Variants in ZSWIM4 observed in about 807,000 individuals in gnomAD.
The protein encoded by ZSWIM4 is zinc finger SWIM-type containing 4.
In ZSWIM4, 62 loss-of-function variants were observed where a neutral mutation model predicts 102.5. That is an observed-to-expected ratio of 0.60 (90% CI 0.49 to 0.75). The LOEUF (loss-of-function observed/expected upper bound fraction) is 0.75, where lower values mean the gene tolerates loss of function less well. Among genes scored for constraint, ZSWIM4 ranks in the 30% least tolerant of loss-of-function variants. The probability of loss-of-function intolerance (pLI) is 0.00; values close to 1 mark genes in which losing one functional copy is unlikely to be tolerated. For missense variants in ZSWIM4, 1,280 were observed against 1,529.6 expected (o/e 0.84, Z 2.72); for synonymous variants, 652 against 674.5 (o/e 0.97, Z 0.52).
chr19:13,799,198 A>G (rs1243939851), intron 1 of ZSWIM4, among the ~76,000 whole-genome samples: 2 of 146,726 alleles, frequency 1.4e-5, no homozygotes, highest in Non-Finnish European at 3.0e-5. Flanking sequence ...CTCCTGCCCC[A>G]CCCTCCCAGG....
rs777197521 is a variant in ZSWIM4 at position 13,809,180 on chromosome 19, G to C, written c.972G>C (p.Ala324=). 6 of 1,612,008 alleles carry C rather than the reference G, an allele frequency of 3.7e-6. No individual in the cohort carries two copies. The highest frequency in any genetic ancestry group is 1.7e-5 in the Admixed American group (1 of 59,936). Residue 324 remains alanine (A), a synonymous_variant, in exon 5 of 14, where the codon GCG becomes GCC. Coordinates refer to ENST00000590508, the MANE Select transcript of ZSWIM4 (RefSeq NM_001367834.3). The surrounding 1 kb of genome is among the most constrained non-coding windows in gnomAD (Gnocchi z 4.2). The stretch of plus-strand genomic sequence containing the variant: ...TGGCCCTGTGGCGGCAGCAGGGCGC[G>C]GGCATGACGGACAAGTGCCGGCAGC... ...TRLALWRQQG[A]GMTDKCRQLW...
rs143574490 is a variant in ZSWIM4 at position 13,810,155 on chromosome 19, C to T, written c.1012+935C>T. 4.0e-5 allele frequency among the ~76,000 whole-genome samples: 6 copies of T among 151,554 alleles called. No individual in the cohort carries two copies. In the East Asian group the frequency reaches 9.7e-4, roughly 24 times the overall value. On this transcript the variant is annotated intron_variant, in intron 5 of 13. Coordinates refer to ENST00000590508, the MANE Select transcript of ZSWIM4 (RefSeq NM_001367834.3). The stretch of plus-strand genomic sequence containing the variant: ...GACTACAGGCACCCGCCACTAAGTC[C>T]GGCTAATTTTTTGTATTTTTTTTAT...
chr19:13,830,305 A>T lies in ZSWIM4; in HGVS notation c.2576A>T (p.Gln859Leu), dbSNP rs757186590. The change falls in exon 14 of 14, where the codon CAG becomes CTG. Residue 859 changes from glutamine (Q) to leucine (L), a missense_variant. By Grantham distance (113) the Gln-to-Leu change is moderately radical (BLOSUM62 -2). Transcript: ENST00000590508. The part of the protein sequence containing the change: ...GTTHATLLRL[Q>L]LDTSRREELW... Reference sequence around the variant, plus strand: ...ACACACGCCACTCTGCTGCGACTGCAGCTGGACACATCGCGGAGGGAGGAG... The same window carrying T: ...ACACACGCCACTCTGCTGCGACTGCTGCTGGACACATCGCGGAGGGAGGAG... 6 of 1,613,812 alleles carry T rather than the reference A, an allele frequency of 3.7e-6. No individual in the cohort carries two copies. The Admixed American group carries it at 1.0e-4, about 27-fold the overall frequency.
rs765543673 is a variant in ZSWIM4 at position 13,817,698 on chromosome 19, C to G, written c.1670-24C>G. On this transcript the variant is annotated intron_variant, in intron 8 of 13. Coordinates refer to ENST00000590508, the MANE Select transcript of ZSWIM4 (RefSeq NM_001367834.3). ...CTTAGGGAAGGGGATCCGTCTCCAG[C>G]AGCCCTGGCCCTGTCTCCCCCAGAC... 1.6e-5 allele frequency: 26 copies of G among 1,605,408 alleles called. No individual in the cohort carries two copies. In the African/African-American group the frequency reaches 3.2e-4, roughly 20 times the overall value.
intron 7 of ZSWIM4, 52 bp downstream of exon 7, chr19:13,814,917 G>A: frequency 9.0e-7 from 1 of 1,115,054 alleles, no homozygotes; most frequent in African/African-American, 1.6e-5. Flanking sequence ...AGCACATTGG[G>A]AGTCCGAGGT....
At chr19:13,818,048 T>A in intron 9 of ZSWIM4, 72 bp downstream of exon 9, 1 of 1,424,498 alleles carries the variant, frequency 7.0e-7, no homozygotes, top group Non-Finnish European at 9.2e-7. Flanking sequence ...AGCGGCCCGG[T>A]TGCTGCCAGA....
Position 13,817,992 on chromosome 19 carries a change from T to C in ZSWIM4, c.1924+16T>C, listed in dbSNP as rs1975346689. 1.4e-6 allele frequency: 2 copies of C among 1,478,328 alleles called. No homozygotes were observed. The highest frequency in any genetic ancestry group is 1.8e-6 in the Non-Finnish European group (2 of 1,111,030). 91.6% of individuals were successfully genotyped at this position (1,478,328 alleles called of 1,614,324 possible). A position where few individuals can be genotyped will look rare whatever the true frequency, so the allele number is the denominator to read the frequency against. On this transcript the variant is annotated intron_variant, in intron 9 of 13. Coordinates refer to ENST00000590508, the MANE Select transcript of ZSWIM4 (RefSeq NM_001367834.3). ...CTGCTGGAAGGTGAGGCCGCGCCCC[T>C]AGGCCTGGCTGTTGCTGAAGGGTAG...
intron 9 of ZSWIM4, among the ~76,000 whole-genome samples, chr19:13,818,302 G>C (rs1477260112): frequency 1.3e-5 from 2 of 152,098 alleles, no homozygotes; most frequent in East Asian, 3.9e-4. Context: ...CACCGCCCCT[G>C]TCCCGGCCTG....
rs768762192 is a variant in ZSWIM4, at chr19:13,830,875, C to G, written c.3146C>G (p.Thr1049Arg). 5 of 1,614,118 alleles carry G rather than the reference C, an allele frequency of 3.1e-6. No homozygotes were observed. The highest frequency in any genetic ancestry group is 1.1e-5 in the South Asian group (1 of 91,082). The stretch of plus-strand genomic sequence containing the variant: ...ATCACCACCAGCCACTCGCGCCTCA[C>G]GCACATCAGCCCGCGGCACTATGGG... Reference protein sequence around the residue: ...AYITTSHSRLTHISPRHYGDF... With the variant: ...AYITTSHSRLRHISPRHYGDF... The change falls in exon 14 of 14, where the codon ACG becomes AGG. Residue 1049 changes from threonine to arginine, a missense_variant. Coordinates refer to ENST00000590508, the MANE Select transcript of ZSWIM4 (RefSeq NM_001367834.3).
intron 2 of ZSWIM4, among the ~76,000 whole-genome samples, chr19:13,800,629 G>A (rs957000449): frequency 3.3e-5 from 5 of 151,950 alleles, no homozygotes; most frequent in African/African-American, 9.7e-5. Flanking sequence ...GGATGGTCTC[G>A]ATCTCCTGAC....
At chr19:13,816,435 C>T (rs1975290762) in intron 7 of ZSWIM4, among the ~76,000 whole-genome samples, 1 of 151,968 alleles carries the variant, frequency 6.6e-6, no homozygotes. Flanking sequence ...ACCAGCCTGG[C>T]CAACATAGTG....
At chr19:13,803,235 C>T (rs1233134419) in intron 2 of ZSWIM4, among the ~76,000 whole-genome samples, 1 of 152,238 alleles carries the variant, frequency 6.6e-6, no homozygotes, top group Non-Finnish European at 1.5e-5. Flanking sequence ...CTGCATGACC[C>T]AGGCTGGGCC....
In ZSWIM4 at chr19:13,806,662, C is replaced by CAA. The variant is rs1294824434; in HGVS notation, c.712+1519_712+1520dup. 6.0e-3 allele frequency among the ~76,000 whole-genome samples: 836 copies of CAA among 138,428 alleles called. 6 individuals are homozygous for CAA. Among genetic ancestry groups the CAA allele is most frequent in the African/African-American group, 0.022 (785 of 36,416 alleles). 90.8% of individuals were successfully genotyped at this position (138,428 alleles called of 152,430 possible). On this transcript the variant is annotated intron_variant, in intron 3 of 13. Coordinates refer to ENST00000590508, the MANE Select transcript of ZSWIM4 (RefSeq NM_001367834.3). ...CTGATGACAGACTGAGACCCTGACT[C>CAA]AAAAAACAAAAAAAAAAAAAGAAGG...
intron 6 of ZSWIM4, among the ~76,000 whole-genome samples, chr19:13,813,581 G>C (rs576591273): frequency 6.6e-6 from 1 of 151,998 alleles, no homozygotes; most frequent in East Asian, 1.9e-4. Flanking sequence ...GGAGCAGATA[G>C]GAAGGAAGAC....
At chr19:13,816,206 A>C (rs930515951) in intron 7 of ZSWIM4, among the ~76,000 whole-genome samples, 1 of 152,054 alleles carries the variant, frequency 6.6e-6, no homozygotes, top group Admixed American at 6.6e-5. Flanking sequence ...AACGAAGAAA[A>C]GTGTGTCGTG....
chr19:13,814,549 TC>T lies in ZSWIM4; in HGVS notation c.1219del (p.Arg407AlafsTer96). ...AAGAGGAAGAGGTGGCAGCCACAAG[TC>T]CCCGCCACACGGTATTTGGCCGCGC... ...EEEEEVAATS[P>X]RHTVFGRALL... On this transcript the variant is annotated frameshift_variant, in exon 7 of 14. Coordinates refer to ENST00000590508, the MANE Select transcript of ZSWIM4 (RefSeq NM_001367834.3). LOFTEE classifies it high-confidence loss of function. 1 of 1,157,456 alleles carries T rather than the reference TC, an allele frequency of 8.6e-7. No homozygotes were observed. The highest frequency in any genetic ancestry group is 3.6e-5 in the Admixed American group (1 of 27,872). 71.7% of individuals were successfully genotyped at this position (1,157,456 alleles called of 1,614,324 possible).
At position 13,812,318 on chromosome 19, in the gene ZSWIM4, G is replaced by A. The variant is rs558320698; in HGVS notation, c.1013-679G>A. Reference sequence around the variant, plus strand: ...TTTTGTTTTGTTTTGTTTTGAGATCGAGTCTCACTCTGTTGCCCAGGCTGG... The same window carrying A: ...TTTTGTTTTGTTTTGTTTTGAGATCAAGTCTCACTCTGTTGCCCAGGCTGG... On this transcript the variant is annotated intron_variant, in intron 5 of 13. Transcript: ENST00000590508. Among the ~76,000 whole-genome samples the A allele has an allele frequency of 1.0e-3, 152 of 151,932 alleles. 1 individual carries two copies. The highest frequency in any genetic ancestry group is 3.6e-3 in the African/African-American group (148 of 41,460).
At chr19:13,801,364 G>A (rs1456004733) in intron 2 of ZSWIM4, among the ~76,000 whole-genome samples, 2 of 152,148 alleles carry the variant, frequency 1.3e-5, no homozygotes, top group African/African-American at 4.8e-5. Flanking sequence ...GGAGAGAAGA[G>A]CAGGTCCCAG....
chr19:13,810,831 C>T (rs1305361256), intron 5 of ZSWIM4, among the ~76,000 whole-genome samples: 1 of 149,144 alleles, frequency 6.7e-6, no homozygotes, highest in Non-Finnish European at 1.5e-5. Context: ...AGGATGGTCT[C>T]GATCCCCTGA....
Sources: gnomAD v4.1 joint callset for allele counts (sites outside exome capture counted in the v4.1 genomes callset) on GRCh38, gnomAD v4.1.1 for gene constraint, Gnocchi (gnomAD v3.1) non-coding constraint, MANE v1.5 for transcripts, NCBI Gene and HGNC (gene_info 2026-07-23, HGNC 2026-07-21) for gene names.